GABBR2: variants seen among roughly 807,000 people sequenced by gnomAD.
The protein encoded by GABBR2 is G-protein coupled receptor 51.
GABBR2 carries 23 observed loss-of-function variants against 105.6 expected under a neutral mutation model. The observed-to-expected ratio is 0.22, with a 90% CI of 0.16 to 0.31. The LOEUF is 0.31. Among genes scored for constraint, GABBR2 ranks in the 10% least tolerant of loss-of-function variants. GABBR2 has a pLI of 1.00. For synonymous variants in GABBR2, 478 were observed against 499.7 expected, an observed-to-expected ratio of 0.96 and a Z score of 0.58; for missense variants, 734 against 1,245.5, an observed-to-expected ratio of 0.59 and a Z score of 6.18.
rs1832128442 is a variant in GABBR2, at chr9:98,388,883, G to A, written c.1500C>T (p.Leu500=). Residue 500 remains leucine (L), a synonymous_variant, in exon 10 of 19, where the codon CTC becomes CTT. Transcript: ENST00000259455. This position sits in a 1 kb window ranked among gnomAD's most constrained non-coding sequence, Gnocchi z 4.4. ...GATTCCGGTTCTTGATGTTGAAGAA[G>A]AGAAAAGCACTGGCCATGATCATCC... ...ILGMIMASAF[L]FFNIKNRNQK... The A allele has an allele frequency of 7.4e-6, 12 of 1,613,598 alleles. No individual in the cohort carries two copies. The highest frequency in any genetic ancestry group is 8.5e-6 in the Non-Finnish European group (10 of 1,179,714).
chr9:98,357,995 T>C (rs993187461), intron 13 of GABBR2, among the ~76,000 whole-genome samples: 1 of 152,262 alleles, frequency 6.6e-6, no homozygotes. Context: ...TTTTTGCTCA[T>C]TGCTGTGTTG....
At chr9:98,403,702 T>A (rs7044963) in intron 8 of GABBR2, among the ~76,000 whole-genome samples, 7,647 of 151,496 alleles carry the variant, frequency 0.05, 682 homozygotes, top group African/African-American at 0.18. Context: ...AAAGGTGTCA[T>A]AATGTTGACA....
intron 1 of GABBR2, among the ~76,000 whole-genome samples, chr9:98,588,150 T>C (rs1193474474): frequency 6.6e-6 from 1 of 152,230 alleles, no homozygotes; most frequent in Non-Finnish European, 1.5e-5. Context: ...AGTTTCCCTC[T>C]TTCTGTTCAT....
intron 13 of GABBR2, among the ~76,000 whole-genome samples, chr9:98,342,861 A>G (rs1408564590): frequency 6.6e-6 from 1 of 152,142 alleles, no homozygotes; most frequent in African/African-American, 2.4e-5. Context: ...TTTATTTTCA[A>G]ATGAGTAGCG....
intron 13 of GABBR2, among the ~76,000 whole-genome samples, chr9:98,332,331 T>C (rs941150343): frequency 6.6e-6 from 1 of 152,262 alleles, no homozygotes; most frequent in Middle Eastern, 3.4e-3. Flanking sequence ...TCAGTTTTCT[T>C]AGGGAGTCAG....
chr9:98,694,207 C>A (rs532069153), intron 1 of GABBR2, among the ~76,000 whole-genome samples: 1 of 152,352 alleles, frequency 6.6e-6, no homozygotes, highest in African/African-American at 2.4e-5. Context: ...GGCTCTCCCC[C>A]AGCCACCCAA....
chr9:98,400,813 C>A (rs560735292), intron 8 of GABBR2, among the ~76,000 whole-genome samples: 1 of 152,266 alleles, frequency 6.6e-6, no homozygotes, highest in African/African-American at 2.4e-5. Context: ...TACGGAGCAA[C>A]ACGCATCTTG....
chr9:98,707,913 C>T (rs977273491), intron 1 of GABBR2, among the ~76,000 whole-genome samples: 1 of 152,376 alleles, frequency 6.6e-6, no homozygotes, highest in African/African-American at 2.4e-5. Flanking sequence ...CACGCTCAAG[C>T]CCCTTGGGTT....
At chr9:98,608,086 C>T in intron 1 of GABBR2, 2 of 1,310,600 alleles carry the variant, frequency 1.5e-6, no homozygotes, top group Non-Finnish European at 2.2e-6. Flanking sequence ...GAACAACGAA[C>T]TCTTCGAGAA....
chr9:98,290,441 C>T lies in GABBR2; in HGVS notation c.*143G>A, dbSNP rs373348397. 1 of 463,852 alleles carries T rather than the reference C, an allele frequency of 2.2e-6. No individual in the cohort carries two copies. Among genetic ancestry groups the T allele is most frequent in the Non-Finnish European group, 3.6e-6 (1 of 279,782 alleles). The allele number at this position is 463,852 out of a possible 1,614,324, so 28.7% of individuals were successfully genotyped here. A position where few individuals can be genotyped will look rare whatever the true frequency, so the allele number is the denominator to read the frequency against. ...TCTCCCCCTGCCCCGTCCTGTCCAC[C>T]TGAGTGCCATCCGAGTGGTCCTGAG... On this transcript the variant is annotated 3_prime_UTR_variant, in exon 19 of 19. Coordinates refer to ENST00000259455, the MANE Select transcript of GABBR2 (RefSeq NM_005458.8).
chr9:98,479,574 A>G (rs1826868017), intron 5 of GABBR2, among the ~76,000 whole-genome samples: 1 of 152,166 alleles, frequency 6.6e-6, no homozygotes. Context: ...TTTGCTCCTG[A>G]GCCTTCAGGT....
At chr9:98,418,755 G>A (rs1260934503) in intron 7 of GABBR2, among the ~76,000 whole-genome samples, 1 of 152,188 alleles carries the variant, frequency 6.6e-6, no homozygotes, top group African/African-American at 2.4e-5. Context: ...GTTGGCAGAG[G>A]AGAACTGACC....
intron 3 of GABBR2, among the ~76,000 whole-genome samples, chr9:98,527,435 A>G (rs1344297717): frequency 6.6e-6 from 1 of 152,126 alleles, no homozygotes; most frequent in African/African-American, 2.4e-5. Flanking sequence ...CTTGCTCCAG[A>G]TGTTATTATA....
intron 7 of GABBR2, among the ~76,000 whole-genome samples, chr9:98,436,568 C>T (rs1338652583): frequency 7.3e-5 from 11 of 149,948 alleles, no homozygotes; most frequent in Admixed American, 1.3e-4. Flanking sequence ...TAGAGACTTG[C>T]GGAGGTCACC....
chr9:98,397,314 A>T (rs901561701), intron 8 of GABBR2, among the ~76,000 whole-genome samples: 1 of 152,126 alleles, frequency 6.6e-6, no homozygotes, highest in African/African-American at 2.4e-5. Flanking sequence ...GTTGATACTA[A>T]ATCCTCTAGT....
At position 98,611,896 on chromosome 9, in the gene GABBR2, G is replaced by A. The variant is rs557099859; in HGVS notation, c.322-33824C>T. Among the ~76,000 whole-genome samples the A allele has an allele frequency of 2.6e-5, 4 of 152,364 alleles. No homozygotes were observed. The South Asian group carries it at 8.3e-4, about 32-fold the overall frequency. On this transcript the variant is annotated intron_variant, in intron 1 of 18. Coordinates refer to ENST00000259455, the MANE Select transcript of GABBR2 (RefSeq NM_005458.8). ...GAATGGCAATTGACCGAGGAGCCAT[G>A]TGAGTTCATCTCACAACACAGCTGG...
chr9:98,432,734 T>G (rs963195908), intron 7 of GABBR2, among the ~76,000 whole-genome samples: 1 of 152,220 alleles, frequency 6.6e-6, no homozygotes, highest in Non-Finnish European at 1.5e-5. Context: ...TCCTGAGCAC[T>G]CTGAGGGTCT....
intron 1 of GABBR2, among the ~76,000 whole-genome samples, chr9:98,697,075 C>G (rs1207377634): frequency 6.6e-6 from 1 of 152,154 alleles, no homozygotes; most frequent in African/African-American, 2.4e-5. Context: ...TTACTCAGAG[C>G]GTAAGCTGCA....
intron 1 of GABBR2, among the ~76,000 whole-genome samples, chr9:98,616,566 C>T (rs920121985): frequency 6.6e-6 from 1 of 152,072 alleles, no homozygotes; most frequent in Non-Finnish European, 1.5e-5. Context: ...CCAGCCTGGC[C>T]AACATGGTGA....
Sources: allele counts gnomAD v4.1 joint callset (sites outside exome capture counted in the v4.1 genomes callset), GRCh38; gene constraint gnomAD v4.1.1; non-coding constraint Gnocchi (gnomAD v3.1); transcripts MANE v1.5; gene names NCBI Gene and HGNC (gene_info 2026-07-23, HGNC 2026-07-21).